Variants in PITRM1 observed in about 807,000 individuals in gnomAD.
PITRM1 encodes pitrilysin metallopeptidase 1, also known as presequence protease, mitochondrial.
A neutral mutation model predicts 129.9 loss-of-function variants in PITRM1; 100 were observed. The observed-to-expected ratio is 0.77, with a 90% CI of 0.65 to 0.91. PITRM1 has a LOEUF of 0.91. Among genes scored for constraint, PITRM1 ranks in the 40% least tolerant of loss-of-function variants. PITRM1 has a pLI of 0.00. For missense variants in PITRM1, 1,471 were observed against 1,318.3 expected (o/e 1.12, Z -1.79); for synonymous variants, 591 against 508.8 (o/e 1.16, Z -2.17).
intron 24 of PITRM1, among the ~76,000 whole-genome samples, chr10:3,140,102 A>G (rs1268812420): frequency 6.6e-6 from 1 of 152,196 alleles, no homozygotes; most frequent in Non-Finnish European, 1.5e-5. Flanking sequence ...GATAAAGTTT[A>G]TAGATTAGGT....
intron 7 of PITRM1, 156 bp downstream of exon 7, chr10:3,163,569 A>C (rs1842624070): frequency 6.3e-6 from 4 of 632,562 alleles, no homozygotes; most frequent in Non-Finnish European, 1.1e-5. Flanking sequence ...ATCAATGTCC[A>C]AGTAAGATAG....
At chr10:3,167,742 C>A (rs1318539437) in intron 2 of PITRM1, 1 of 152,206 alleles carries the variant, frequency 6.6e-6, no homozygotes. Context: ...GTGCGCAGAA[C>A]GGGCCTGCAA....
At chr10:3,138,411 G>GGGACAT in intron 25 of PITRM1, 74 bp from the exon 26 acceptor site, 2 of 954,882 alleles carry the variant, frequency 2.1e-6, no homozygotes, top group Non-Finnish European at 3.4e-6. Context: ...CTCATGTCCC[G>GGGACAT]GAGGGGACAC....
chr10:3,144,429 G>T (rs1234887715), intron 21 of PITRM1, 63 bp from the exon 22 acceptor site: 9 of 944,838 alleles, frequency 9.5e-6, no homozygotes, highest in Admixed American at 7.1e-5. Flanking sequence ...TATATAAGAA[G>T]TAACAGAGTT....
chr10:3,141,753 G>T, intron 23 of PITRM1: 1 of 438,240 alleles, frequency 2.3e-6, no homozygotes, highest in South Asian at 1.7e-5. Flanking sequence ...GTGGATGAAG[G>T]GAGTCAAATA....
At chr10:3,147,924 A>G in intron 18 of PITRM1, 63 bp downstream of exon 18, 3 of 1,337,112 alleles carry the variant, frequency 2.2e-6, no homozygotes, top group Non-Finnish European at 3.2e-6. Flanking sequence ...TCTCCTTTAA[A>G]GTACTTCAAA....
chr10:3,172,691 GAGCGCCTCCCGTCGC>G lies in PITRM1; in HGVS notation c.56+11_56+25del, dbSNP rs765282291. ...CTCCCCTCCCGGGTACCAGCGCGCCGAGCGCCTCCCGTCGCAGCGTCTCACCCGCCGCTCAGCCGC... is the reference window on the plus strand; with the variant it reads ...CTCCCCTCCCGGGTACCAGCGCGCCGAGCGTCTCACCCGCCGCTCAGCCGC... On this transcript the variant is annotated intron_variant, in intron 1 of 26. Coordinates refer to ENST00000224949, the MANE Select transcript of PITRM1 (RefSeq NM_014889.4). The G allele has an allele frequency of 1.2e-4, 181 of 1,529,704 alleles. No individual in the cohort carries two copies. In the African/African-American group the frequency reaches 2.3e-3, roughly 19 times the overall value. 94.8% of individuals were successfully genotyped at this position (1,529,704 alleles called of 1,614,324 possible). A position where few individuals can be genotyped will look rare whatever the true frequency, so the allele number is the denominator to read the frequency against.
At position 3,147,215 on chromosome 10, in the gene PITRM1, A is replaced by G. The variant is rs1163064925; in HGVS notation, c.2271T>C (p.Asp757=). Residue 757 remains aspartate, a synonymous_variant, in exon 20 of 27, where the codon GAT becomes GAC. Coordinates refer to ENST00000224949, the MANE Select transcript of PITRM1 (RefSeq NM_014889.4). ...GGAGCTTCCTCAGGATGGGTTTGAT[A>G]TCTGTCATTTCTGCAATCCTCTTCA... ...RLMKRIAEMT[D]IKPILRKLPR... 2 of 1,613,026 alleles carry G rather than the reference A, an allele frequency of 1.2e-6. No individual in the cohort carries two copies. Among genetic ancestry groups the G allele is most frequent in the Non-Finnish European group, 1.7e-6 (2 of 1,179,036 alleles).
rs1337961861 is a variant in PITRM1 at position 3,157,452 on chromosome 10, C to T, written c.1330G>A (p.Gly444Arg). The T allele has an allele frequency of 1.9e-6, 3 of 1,607,510 alleles. No homozygotes were observed. Among genetic ancestry groups the T allele is most frequent in the Non-Finnish European group, 2.6e-6 (3 of 1,175,918 alleles). The change falls in exon 12 of 27, where the codon GGG becomes AGG. Residue 444 changes from glycine (G) to arginine (R), a missense_variant. Gly to Arg is a moderately radical substitution (Grantham distance 125). Coordinates refer to ENST00000224949, the MANE Select transcript of PITRM1 (RefSeq NM_014889.4). ...TCACTTACTGATGTCAGCATCAGCC[C>T]AAAGCTGGTAGACTGATGTTTCATC... ...IQMKHQSTSF[G>R]LMLTSYIASC...
Position 3,165,311 on chromosome 10 carries a change from T to C in PITRM1, c.557A>G (p.His186Arg). The C allele has an allele frequency of 1.3e-6, 2 of 1,591,118 alleles. No individual in the cohort carries two copies. The highest frequency in any genetic ancestry group is 8.6e-7 in the Non-Finnish European group (1 of 1,168,794). ...DFWQEGWRLEHENPSDPQTPL... is the reference protein window; with the variant it reads ...DFWQEGWRLERENPSDPQTPL... Reference sequence around the variant, plus strand: ...CGTCTGGGGGTCGCTCGGATTCTCATGTTCCAGCCGCCATCCTTCCTGCCT... The same window carrying C: ...CGTCTGGGGGTCGCTCGGATTCTCACGTTCCAGCCGCCATCCTTCCTGCCT... Residue 186 changes from histidine to arginine, a missense_variant, in exon 6 of 27, where the codon CAT becomes CGT. Physicochemically the swap from His to Arg is conservative, Grantham distance 29. Coordinates refer to ENST00000224949, the MANE Select transcript of PITRM1 (RefSeq NM_014889.4).
At chr10:3,152,255 C>T (rs2132426394) in intron 14 of PITRM1, among the ~76,000 whole-genome samples, 1 of 152,300 alleles carries the variant, frequency 6.6e-6, no homozygotes, top group South Asian at 2.1e-4. Context: ...GGCGTGCTCC[C>T]CGCCCTGATG....
At chr10:3,148,722 T>TTTTTAAG in intron 16 of PITRM1, 1 of 158,044 alleles carries the variant, frequency 6.3e-6, no homozygotes, top group African/African-American at 2.4e-5. Flanking sequence ...AGACTAAAGG[T>TTTTTAAG]TTTTTAAGTT....
chr10:3,138,075 C>A lies in PITRM1; in HGVS notation c.3070G>T (p.Glu1024Ter). ...STHGLAILGP[E>*]NPKIAKDPSW... is the part of the protein sequence containing the mutation. ...GGGTCCTTGGCAATTTTCGGGTTCT[C>A]GGGTCCGAGGATGGCCAGGCCGTGT... The change falls in exon 27 of 27, where the codon GAG becomes TAG. Residue 1024 changes from glutamate to a stop codon, truncating the protein, a stop_gained. Coordinates refer to ENST00000224949, the MANE Select transcript of PITRM1 (RefSeq NM_014889.4). LOFTEE classifies it high-confidence loss of function. 2 of 1,610,442 alleles carry A rather than the reference C, an allele frequency of 1.2e-6. No homozygotes were observed. The highest frequency in any genetic ancestry group is 1.7e-6 in the Non-Finnish European group (2 of 1,178,628).
chr10:3,149,891 C>T (rs1841333332), intron 15 of PITRM1, 138 bp from the exon 16 acceptor site: 3 of 906,908 alleles, frequency 3.3e-6, no homozygotes, highest in African/African-American at 1.7e-5. Flanking sequence ...ATAAATTTCC[C>T]AATCATATTT....
In PITRM1 at chr10:3,160,291, C is replaced by T; in HGVS notation, c.831G>A (p.Leu277=). Reference sequence around the variant, plus strand: ...TCAGTGCTTCCTCGTGAATTTGTTTCAGATGCTGTTCTAATGGAAAATTAC... The same window carrying T: ...TCAGTGCTTCCTCGTGAATTTGTTTTAGATGCTGTTCTAATGGAAAATTAC... ...TYGNFPLEQH[L]KQIHEEALSK... Residue 277 remains leucine (L), a synonymous_variant, in exon 8 of 27, where the codon CTG becomes CTA. Coordinates refer to ENST00000224949, the MANE Select transcript of PITRM1 (RefSeq NM_014889.4). 1 of 1,613,276 alleles carries T rather than the reference C, an allele frequency of 6.2e-7. No individual in the cohort carries two copies. Among genetic ancestry groups the T allele is most frequent in the South Asian group, 1.1e-5 (1 of 91,068 alleles).
rs200594876 is a variant in PITRM1 at position 3,140,774 on chromosome 10, A to C, written c.2684T>G (p.Leu895Trp). The change falls in exon 24 of 27, where the codon TTG becomes TGG. Residue 895 changes from leucine to tryptophan, a missense_variant. Physicochemically the swap from Leu to Trp is moderately conservative, Grantham distance 61. Coordinates refer to ENST00000224949, the MANE Select transcript of PITRM1 (RefSeq NM_014889.4). The part of the protein sequence containing the change: ...ILARLMTAKF[L>W]HTEIREKGGA... ...GCCTTTTTCTCGAATTTCTGTATGC[A>C]AGAATTTGGCAGTCATCAAACGTGC... 2.5e-4 allele frequency: 395 copies of C among 1,592,436 alleles called. No homozygotes were observed. The highest frequency in any genetic ancestry group is 3.1e-4 in the Non-Finnish European group (366 of 1,168,196).
At chr10:3,149,138 C>T (rs1299000185) in intron 16 of PITRM1, 1 of 152,858 alleles carries the variant, frequency 6.5e-6, no homozygotes, top group Non-Finnish European at 1.5e-5. Context: ...TGTCCTGCAA[C>T]CTCGGCCACG....
intron 7 of PITRM1, among the ~76,000 whole-genome samples, chr10:3,161,092 A>G (rs573995619): frequency 1.2e-4 from 18 of 151,992 alleles, no homozygotes; most frequent in African/African-American, 4.3e-4. Context: ...GGTGGGTTCT[A>G]TGTTACCCAT....
chr10:3,167,554 G>C (rs1247129621), intron 2 of PITRM1, among the ~76,000 whole-genome samples: 1 of 152,058 alleles, frequency 6.6e-6, no homozygotes, highest in East Asian at 1.9e-4. Flanking sequence ...CTAAGTAACA[G>C]AGCGCCCTTT....
Sources: allele counts gnomAD v4.1 joint callset (sites outside exome capture counted in the v4.1 genomes callset), GRCh38; gene constraint gnomAD v4.1.1; transcripts MANE v1.5; gene names NCBI Gene and HGNC (gene_info 2026-07-23, HGNC 2026-07-21).